SLC25A19: variants seen among roughly 807,000 people sequenced by gnomAD.
SLC25A19 encodes mitochondrial thiamine pyrophosphate carrier.
SLC25A19 carries 18 observed loss-of-function variants against 27.9 expected under a neutral mutation model. The ratio of observed to expected loss-of-function variants is 0.64; its 90% CI spans 0.45 to 0.96. The LOEUF is 0.96. Among genes scored for constraint, SLC25A19 ranks in the 40% least tolerant of loss-of-function variants. SLC25A19 has a pLI of 0.00. For synonymous variants in SLC25A19, 169 were observed against 167.1 expected (o/e 1.01, Z -0.09); for missense variants, 371 against 418.3 (o/e 0.89, Z 0.99).
At chr17:75,276,621 G>A (rs1416809988) in intron 7 of SLC25A19, among the ~76,000 whole-genome samples, 1 of 149,518 alleles carries the variant, frequency 6.7e-6, no homozygotes, top group African/African-American at 2.4e-5. Context: ...ACTCGTCTCG[G>A]CCTCCCAAAA....
At chr17:75,279,865 A>G (rs1026491267) in intron 5 of SLC25A19, among the ~76,000 whole-genome samples, 3 of 151,974 alleles carry the variant, frequency 2.0e-5, no homozygotes, top group Non-Finnish European at 4.4e-5. Flanking sequence ...CTGGAGTGCA[A>G]TGGTGCAATC....
Position 75,287,050 on chromosome 17 carries a change from A to G in SLC25A19, c.-38-248T>C, listed in dbSNP as rs1598199129. Reference sequence around the variant, plus strand: ...ACCCCAACTCTACAAAAAATACAAAAATTTAAAAATAAAATAAAATAGCAC... The same window carrying G: ...ACCCCAACTCTACAAAAAATACAAAGATTTAAAAATAAAATAAAATAGCAC... On this transcript the variant is annotated intron_variant, in intron 2 of 7. Transcript: ENST00000416858. The G allele has an allele frequency of 1.0e-5, 4 of 381,606 alleles. No individual in the cohort carries two copies. In the East Asian group the frequency reaches 2.4e-4, roughly 23 times the overall value. The allele number at this position is 381,606 out of a possible 1,614,324, so 23.6% of individuals were successfully genotyped here.
intron 4 of SLC25A19, 32 bp from the exon 5 acceptor site, chr17:75,283,625 C>G (rs200977115): frequency 2.5e-6 from 4 of 1,602,902 alleles, no homozygotes; most frequent in Non-Finnish European, 3.4e-6. Context: ...TCACCGACAG[C>G]CCAAAGGATG....
intron 7 of SLC25A19, among the ~76,000 whole-genome samples, chr17:75,276,301 A>G (rs780889565): frequency 2.6e-5 from 4 of 152,178 alleles, no homozygotes; most frequent in Non-Finnish European, 4.4e-5. Flanking sequence ...ACAAAAAAAT[A>G]CATATATATA....
rs73996007 is a variant in SLC25A19 at position 75,277,224 on chromosome 17, A to G, written c.774+129T>C. 211,290 of 1,202,500 alleles carry G rather than the reference A, an allele frequency of 0.18. 21,693 individuals carry two copies. Among genetic ancestry groups the G allele is most frequent in the African/African-American group, 0.41 (27,451 of 66,422 alleles). 74.5% of individuals were successfully genotyped at this position (1,202,500 alleles called of 1,614,324 possible). A position where few individuals can be genotyped will look rare whatever the true frequency, so the allele number is the denominator to read the frequency against. ...TCCCACATGCTTAGGGATCTCAAGG[A>G]ATGGACGCAGGTGAAGGGGCCATGG... On this transcript the variant is annotated intron_variant, in intron 7 of 7. Coordinates refer to ENST00000416858, the MANE Select transcript of SLC25A19 (RefSeq NM_001126121.2).
rs532597121 is a variant in SLC25A19, at chr17:75,283,468, G to A, written c.414C>T (p.Pro138=). 39 of 1,612,876 alleles carry A rather than the reference G, an allele frequency of 2.4e-5. No homozygotes were observed. Among genetic ancestry groups the A allele is most frequent in the South Asian group, 9.9e-5 (9 of 90,880 alleles). ...AACMATLTVH[P]VDVLRTRFAA... The stretch of plus-strand genomic sequence containing the variant: ...CAAAGCGGGTGCGCAGAACATCCAC[G>A]GGGTGCACAGTGAGGGTGGCCATAC... Residue 138 remains proline, a synonymous_variant, in exon 5 of 8, where the codon CCC becomes CCT. Transcript: ENST00000416858.
At chr17:75,282,189 G>C (rs2078054735) in intron 5 of SLC25A19, among the ~76,000 whole-genome samples, 1 of 152,024 alleles carries the variant, frequency 6.6e-6, no homozygotes, top group Non-Finnish European at 1.5e-5. Context: ...GGAGGTCGAG[G>C]CTTCAGTGAG....
intron 7 of SLC25A19, among the ~76,000 whole-genome samples, chr17:75,275,858 GC>G (rs1288333481): frequency 6.6e-6 from 1 of 152,094 alleles, no homozygotes; most frequent in African/African-American, 2.4e-5. Flanking sequence ...TGTAATCCCA[GC>G]TGCTTGGAGG....
rs2077919598 is a variant in SLC25A19, at chr17:75,277,458, G to A, written c.669C>T (p.Gly223=). Residue 223 remains glycine (G), a synonymous_variant, in exon 7 of 8, where the codon GGC becomes GGT. Transcript: ENST00000416858. ...KNENLQNLLC[G]SGAGVISKTL... Reference sequence around the variant, plus strand: ...TCTTGCTGATGACACCAGCTCCACTGCCACAAAGCAGGTTTTGGAGGTTCT... The same window carrying A: ...TCTTGCTGATGACACCAGCTCCACTACCACAAAGCAGGTTTTGGAGGTTCT... 1 of 1,614,072 alleles carries A rather than the reference G, an allele frequency of 6.2e-7. No individual in the cohort carries two copies. Among genetic ancestry groups the A allele is most frequent in the South Asian group, 1.1e-5 (1 of 91,086 alleles).
chr17:75,288,742 A>C (rs1258609907), intron 1 of SLC25A19, among the ~76,000 whole-genome samples, 151 bp from the exon 2 acceptor site: 1 of 104,890 alleles, frequency 9.5e-6, no homozygotes, highest in African/African-American at 3.7e-5. Context: ...GGGGTGGGGG[A>C]GGAGGGGAGA....
chr17:75,286,451 A>G lies in SLC25A19; in HGVS notation c.141T>C (p.His47=), dbSNP rs1438034880. 1.1e-5 allele frequency: 17 copies of G among 1,613,918 alleles called. No homozygotes were observed. The highest frequency in any genetic ancestry group is 1.4e-5 in the Non-Finnish European group (16 of 1,179,926). Residue 47 remains histidine, a synonymous_variant, in exon 4 of 8, where the codon CAT becomes CAC. Coordinates refer to ENST00000416858, the MANE Select transcript of SLC25A19 (RefSeq NM_001126121.2). ...TGGGGTCACTGCGAGACAGGCGCTC[A>G]TGCTGAAGCTAGGAATCAAAATAAA... The part of the protein sequence containing the change: ...DVIKIRFQLQ[H]ERLSRSDPSA...
In SLC25A19 at chr17:75,273,589, C is replaced by T. The variant is rs1355354427; in HGVS notation, c.825G>A (p.Lys275=). ...LMDCAKQVLQ[K]EGALGFFKGL... Reference sequence around the variant, plus strand: ...CCTTGAAGAAGCCCAGGGCGCCTTCCTTTTGCAGCACCTGCTTGGCACAGT... The same window carrying T: ...CCTTGAAGAAGCCCAGGGCGCCTTCTTTTTGCAGCACCTGCTTGGCACAGT... Residue 275 remains lysine, a synonymous_variant, in exon 8 of 8, where the codon AAG becomes AAA. Coordinates refer to ENST00000416858, the MANE Select transcript of SLC25A19 (RefSeq NM_001126121.2). 1.2e-6 allele frequency: 2 copies of T among 1,613,718 alleles called. No homozygotes were observed. Among genetic ancestry groups the T allele is most frequent in the Admixed American group, 1.7e-5 (1 of 59,986 alleles).
chr17:75,281,796 G>A (rs2078044781), intron 5 of SLC25A19, among the ~76,000 whole-genome samples: 1 of 152,200 alleles, frequency 6.6e-6, no homozygotes, highest in African/African-American at 2.4e-5. Flanking sequence ...CCACTGCTGG[G>A]TAATTATTTG....
intron 4 of SLC25A19, among the ~76,000 whole-genome samples, chr17:75,284,198 T>C (rs986155405): frequency 2.0e-5 from 3 of 150,824 alleles, no homozygotes; most frequent in Admixed American, 6.6e-5. Context: ...AGGTCAGGAG[T>C]TGGAGACCAG....
At chr17:75,283,635 G>A in intron 4 of SLC25A19, 42 bp from the exon 5 acceptor site, 1 of 1,592,502 alleles carries the variant, frequency 6.3e-7, no homozygotes, top group Non-Finnish European at 8.6e-7. Context: ...CCCAAAGGAT[G>A]AGGGTGAGGA....
chr17:75,283,519 G>C lies in SLC25A19; in HGVS notation c.363C>G (p.His121Gln), dbSNP rs2078103884. Reference protein sequence around the residue: ...SVYDAREFSVHFVCGGLAACM... With the variant: ...SVYDAREFSVQFVCGGLAACM... Reference sequence around the variant, plus strand: ...AGGCAGCCAGGCCACCACATACAAAGTGCACTGAGAATTCCCGGGCGTCAT... The same window carrying C: ...AGGCAGCCAGGCCACCACATACAAACTGCACTGAGAATTCCCGGGCGTCAT... Residue 121 changes from histidine (H) to glutamine (Q), a missense_variant, in exon 5 of 8, where the codon CAC (histidine) becomes CAG (glutamine). His to Gln is a conservative substitution (Grantham distance 24, BLOSUM62 0). Transcript: ENST00000416858. 2.5e-6 allele frequency: 4 copies of C among 1,613,712 alleles called. No individual in the cohort carries two copies. Among genetic ancestry groups the C allele is most frequent in the Non-Finnish European group, 3.4e-6 (4 of 1,179,940 alleles).
intron 5 of SLC25A19, among the ~76,000 whole-genome samples, chr17:75,281,816 A>G (rs748376759): frequency 6.6e-6 from 1 of 152,228 alleles, no homozygotes; most frequent in Non-Finnish European, 1.5e-5. Flanking sequence ...GTTCTGTTTC[A>G]TAGCAGTAGG....
chr17:75,283,938 AC>A (rs2078118642), intron 4 of SLC25A19, among the ~76,000 whole-genome samples: 1 of 152,024 alleles, frequency 6.6e-6, no homozygotes, highest in African/African-American at 2.4e-5. Context: ...ACATAGTGAA[AC>A]CCTGTCTTTA....
intron 5 of SLC25A19, among the ~76,000 whole-genome samples, chr17:75,280,361 A>G (rs2078008434): frequency 6.6e-6 from 1 of 150,822 alleles, no homozygotes; most frequent in Non-Finnish European, 1.5e-5. Flanking sequence ...ACAGAGTGAG[A>G]CTCTGCCTTA....
Sources: allele counts gnomAD v4.1 joint callset (sites outside exome capture counted in the v4.1 genomes callset), GRCh38; gene constraint gnomAD v4.1.1; transcripts MANE v1.5; gene names NCBI Gene and HGNC (gene_info 2026-07-23, HGNC 2026-07-21).